Variants in PHACTR1 observed in about 807,000 individuals in gnomAD.
PHACTR1 encodes phosphatase and actin regulator 1, also known as RPEL repeat containing 1.
A neutral mutation model predicts 69.2 loss-of-function variants in PHACTR1; 16 were observed. The ratio of observed to expected loss-of-function variants is 0.23; its 90% confidence interval spans 0.16 to 0.35. PHACTR1 has a LOEUF of 0.35. PHACTR1 is among the 10% of genes least tolerant of loss of function. The pLI is 1.00. For missense variants in PHACTR1, 510 were observed against 734.7 expected (o/e 0.69, Z 3.54); for synonymous variants, 312 against 284.5 (o/e 1.10, Z -0.97).
intron 5 of PHACTR1, among the ~76,000 whole-genome samples, chr6:13,062,634 A>T (rs1807845961): frequency 6.6e-6 from 1 of 152,178 alleles, no homozygotes; most frequent in Admixed American, 6.5e-5. Flanking sequence ...GGTGTCCAAG[A>T]TGGTTGCCTT....
Position 13,042,804 on chromosome 6 carries a change from A to C in PHACTR1, c.251-10561A>C, listed in dbSNP as rs143299154. ...CTGAGCCCATGTTCTGTGCCCCAAA[A>C]GAATGCTTTTAGTATATGCCTATTT... On this transcript the variant is annotated intron_variant, in intron 4 of 14. Coordinates refer to ENST00000332995, the MANE Select transcript of PHACTR1 (RefSeq NM_030948.6). 3.6e-3 allele frequency among the ~76,000 whole-genome samples: 543 copies of C among 152,288 alleles called. 17 individuals are homozygous for C. The highest frequency in any genetic ancestry group is 0.032 in the Admixed American group (488 of 15,302).
chr6:13,028,831 GTGAGTTCAC>G (rs1802051564), intron 4 of PHACTR1, among the ~76,000 whole-genome samples: 1 of 152,200 alleles, frequency 6.6e-6, no homozygotes, highest in Non-Finnish European at 1.5e-5. Context: ...CTGACCACGA[GTGAGTTCAC>G]CAAAGCAAGA....
intron 4 of PHACTR1, among the ~76,000 whole-genome samples, chr6:13,006,390 G>C (rs1359244781): frequency 6.6e-6 from 1 of 152,200 alleles, no homozygotes; most frequent in Non-Finnish European, 1.5e-5. Context: ...TTTAGAGACA[G>C]TAAGGTGAGC....
chr6:13,049,574 A>G (rs1317552175), intron 4 of PHACTR1, among the ~76,000 whole-genome samples: 1 of 152,168 alleles, frequency 6.6e-6, no homozygotes, highest in Non-Finnish European at 1.5e-5. Context: ...TTCCAACCAA[A>G]TGCAGATACC....
At chr6:12,902,440 C>T (rs1055008834) in intron 4 of PHACTR1, among the ~76,000 whole-genome samples, 4 of 152,070 alleles carry the variant, frequency 2.6e-5, no homozygotes, top group Admixed American at 2.0e-4. Flanking sequence ...AAAGAACCTA[C>T]TATAATGAGT....
intron 4 of PHACTR1, among the ~76,000 whole-genome samples, chr6:12,827,521 T>G (rs1180903558): frequency 6.6e-6 from 1 of 152,206 alleles, no homozygotes; most frequent in Non-Finnish European, 1.5e-5. Context: ...ATGGAGAATC[T>G]ACCTCTGGAA....
chr6:12,973,198 G>A (rs1024496212), intron 4 of PHACTR1, among the ~76,000 whole-genome samples: 2 of 152,116 alleles, frequency 1.3e-5, no homozygotes, highest in East Asian at 3.9e-4. Context: ...AAAGGAGTCT[G>A]AGAATAAATG....
intron 4 of PHACTR1, among the ~76,000 whole-genome samples, chr6:12,981,142 A>G (rs1447582201): frequency 6.6e-6 from 1 of 152,262 alleles, no homozygotes; most frequent in African/African-American, 2.4e-5. Context: ...TGAGTGCTGC[A>G]TTTAGGAAAC....
At chr6:13,250,684 C>T (rs1774262239) in intron 10 of PHACTR1, among the ~76,000 whole-genome samples, 1 of 152,200 alleles carries the variant, frequency 6.6e-6, no homozygotes, top group South Asian at 2.1e-4. Flanking sequence ...GAAGTATGTT[C>T]CTGTTTTTGC....
intron 6 of PHACTR1, among the ~76,000 whole-genome samples, chr6:13,171,151 T>G (rs1283463155): frequency 6.8e-6 from 1 of 146,526 alleles, no homozygotes; most frequent in African/African-American, 2.6e-5. Context: ...TTTTCTCAAG[T>G]CCTCTTCACA....
intron 8 of PHACTR1, among the ~76,000 whole-genome samples, chr6:13,225,785 A>G (rs936999857): frequency 2.0e-5 from 3 of 152,222 alleles, no homozygotes; most frequent in Admixed American, 1.3e-4. Flanking sequence ...CTAATTAACC[A>G]AAAAGTGGAG....
intron 4 of PHACTR1, among the ~76,000 whole-genome samples, chr6:12,883,287 CA>C (rs1364782626): frequency 6.6e-6 from 1 of 152,122 alleles, no homozygotes; most frequent in Non-Finnish European, 1.5e-5. Flanking sequence ...CATCTCGGCT[CA>C]CTGCAACCTC....
At chr6:13,048,520 C>CTTTG (rs894332073) in intron 4 of PHACTR1, among the ~76,000 whole-genome samples, 5 of 39,646 alleles carry the variant, frequency 1.3e-4, no homozygotes, top group African/African-American at 4.4e-4. Context: ...GTTTCCATTT[C>CTTTG]TTTGTGTGTG....
intron 5 of PHACTR1, among the ~76,000 whole-genome samples, chr6:13,064,042 A>G (rs9463410): frequency 0.25 from 38,309 of 152,122 alleles, 5,281 homozygotes; most frequent in African/African-American, 0.35. Flanking sequence ...TTCTATAAAT[A>G]TTGTGTTGGT....
intron 5 of PHACTR1, among the ~76,000 whole-genome samples, chr6:13,158,352 A>G (rs1182752080): frequency 6.6e-6 from 1 of 151,844 alleles, no homozygotes. Context: ...CCACACAAAC[A>G]CTGTTTCCAT....
chr6:13,069,477 A>C (rs1809186683), intron 5 of PHACTR1, among the ~76,000 whole-genome samples: 1 of 151,958 alleles, frequency 6.6e-6, no homozygotes, highest in East Asian at 1.9e-4. Context: ...CACACGTCTT[A>C]CCACTGCCTC....
chr6:13,006,164 T>C (rs1798762127), intron 4 of PHACTR1, among the ~76,000 whole-genome samples: 1 of 152,228 alleles, frequency 6.6e-6, no homozygotes, highest in Admixed American at 6.5e-5. Context: ...CCAATACAGA[T>C]GATAGATAAG....
chr6:12,890,631 G>A (rs1185079817), intron 4 of PHACTR1, among the ~76,000 whole-genome samples: 2 of 152,048 alleles, frequency 1.3e-5, no homozygotes, highest in African/African-American at 2.4e-5. Context: ...CTAGGCGTTC[G>A]GTTTCCCTTT....
At chr6:12,938,452 G>A (rs992975949) in intron 4 of PHACTR1, among the ~76,000 whole-genome samples, 1 of 152,136 alleles carries the variant, frequency 6.6e-6, no homozygotes, top group African/African-American at 2.4e-5. Context: ...AGCACCACAC[G>A]ATGACAATAA....
Sources: allele counts gnomAD v4.1 joint callset (sites outside exome capture counted in the v4.1 genomes callset), GRCh38; gene constraint gnomAD v4.1.1; transcripts MANE v1.5; gene names NCBI Gene and HGNC (gene_info 2026-07-23, HGNC 2026-07-21).